BICDL1: variants seen among roughly 807,000 people sequenced by gnomAD.
BICDL1 encodes BICD family like cargo adaptor 1, also known as BICD family-like cargo adapter 1.
In BICDL1, 20 loss-of-function variants were observed where a neutral mutation model predicts 76.8. The ratio of observed to expected loss-of-function variants is 0.26; its 90% CI spans 0.18 to 0.38. BICDL1 has a LOEUF of 0.38. BICDL1 is among the 10% of genes least tolerant of loss of function. The probability of loss-of-function intolerance (pLI) is 1.00; values close to 1 mark genes in which losing one functional copy is unlikely to be tolerated. For missense variants in BICDL1, 700 were observed against 798.6 expected, an observed-to-expected ratio of 0.88 and a Z score of 1.49; for synonymous variants, 383 against 337.1, an observed-to-expected ratio of 1.14 and a Z score of -1.49.
intron 6 of BICDL1, among the ~76,000 whole-genome samples, chr12:120,073,199 C>T (rs930452375): frequency 1.3e-5 from 2 of 152,218 alleles, no homozygotes; most frequent in Admixed American, 6.5e-5. Context: ...AGAACACCAA[C>T]TACTGCTGTG....
chr12:120,020,072 CTAGT>C (rs1380510139), intron 2 of BICDL1, among the ~76,000 whole-genome samples: 4 of 152,128 alleles, frequency 2.6e-5, no homozygotes, highest in Non-Finnish European at 5.9e-5. Flanking sequence ...CAATGAAATA[CTAGT>C]TAGTAGTAAT....
At position 120,015,078 on chromosome 12, in the gene BICDL1, A is replaced by G. The variant is rs531243217; in HGVS notation, c.645+16342A>G. ...CCCTCAAGAGAGGACACATAATTCA[A>G]GATGGATCTTCCCTCCCTTGCCCCA... On this transcript the variant is annotated intron_variant, in intron 2 of 9. Coordinates refer to ENST00000548673, the MANE Select transcript of BICDL1 (RefSeq NM_001367886.1). Among the ~76,000 whole-genome samples the G allele has an allele frequency of 3.9e-5, 6 of 152,302 alleles. No homozygotes were observed. The South Asian group carries it at 1.2e-3, about 32-fold the overall frequency.
chr12:120,091,593 G>T, intron 9 of BICDL1: 1 of 984,948 alleles, frequency 1.0e-6, no homozygotes, highest in Non-Finnish European at 1.2e-6. Flanking sequence ...GAAGAGAAGG[G>T]AAGAAGACAA....
intron 2 of BICDL1, among the ~76,000 whole-genome samples, chr12:120,026,346 G>A (rs1371129733): frequency 2.0e-5 from 3 of 152,124 alleles, no homozygotes; most frequent in African/African-American, 7.2e-5. Flanking sequence ...AACAGTTGTA[G>A]GTGAGGGACA....
intron 7 of BICDL1, among the ~76,000 whole-genome samples, chr12:120,077,857 C>T (rs1032710487): frequency 1.3e-5 from 2 of 150,952 alleles, no homozygotes. Flanking sequence ...AAGTGGGACG[C>T]CCCTTACAAG....
intron 8 of BICDL1, among the ~76,000 whole-genome samples, chr12:120,089,271 CGTGT>C (rs138992612): frequency 1.5e-3 from 218 of 146,804 alleles, no homozygotes; most frequent in African/African-American, 4.7e-3. Flanking sequence ...CCTTTTTCAA[CGTGT>C]GTGTGTGTGT....
chr12:120,039,139 A>T (rs1952582941), intron 2 of BICDL1, among the ~76,000 whole-genome samples: 1 of 151,758 alleles, frequency 6.6e-6, no homozygotes, highest in Non-Finnish European at 1.5e-5. Context: ...TCTACTAAAA[A>T]TACAAAAATT....
At chr12:120,010,088 G>T (rs16949854) in intron 2 of BICDL1, among the ~76,000 whole-genome samples, 8,500 of 152,230 alleles carry the variant, frequency 0.056, 476 homozygotes, top group African/African-American at 0.14. Context: ...TAGAACACAC[G>T]CAAGACCACC....
chr12:119,998,196 A>C (rs922164028), intron 1 of BICDL1, among the ~76,000 whole-genome samples: 14 of 152,190 alleles, frequency 9.2e-5, no homozygotes, highest in African/African-American at 3.4e-4. Context: ...TAGTTGTTTA[A>C]ATGTATAGTT....
At chr12:120,081,124 A>C in intron 8 of BICDL1, 107 bp downstream of exon 8, 1 of 1,223,908 alleles carries the variant, frequency 8.2e-7, no homozygotes, top group Non-Finnish European at 1.1e-6. Context: ...ACAAAGGTAA[A>C]AGTTAGTTTC....
intron 1 of BICDL1, among the ~76,000 whole-genome samples, chr12:119,997,862 T>A (rs2138605560): frequency 6.6e-6 from 1 of 152,072 alleles, no homozygotes; most frequent in African/African-American, 2.4e-5. Flanking sequence ...ACACCTGTAA[T>A]CCCAGCACTT....
intron 2 of BICDL1, among the ~76,000 whole-genome samples, chr12:120,029,554 C>T (rs1324617320): frequency 6.6e-6 from 1 of 152,162 alleles, no homozygotes; most frequent in Admixed American, 6.5e-5. Flanking sequence ...AAATTGATCT[C>T]TTAAAGATTT....
At chr12:120,092,150 T>C in intron 9 of BICDL1, 1 of 985,418 alleles carries the variant, frequency 1.0e-6, no homozygotes, top group Non-Finnish European at 1.2e-6. Context: ...TTTTGTCAAA[T>C]GGAGTCTTAC....
At chr12:120,008,852 A>T (rs1231941778) in intron 2 of BICDL1, among the ~76,000 whole-genome samples, 1 of 152,194 alleles carries the variant, frequency 6.6e-6, no homozygotes, top group African/African-American at 2.4e-5. Flanking sequence ...TCTTCTGTGA[A>T]GACAGATTTT....
intron 2 of BICDL1, among the ~76,000 whole-genome samples, chr12:120,033,800 TGATA>T (rs757357431): frequency 6.6e-6 from 1 of 152,154 alleles, no homozygotes; most frequent in Non-Finnish European, 1.5e-5. Context: ...TATATAAGCT[TGATA>T]GATTTAGGTC....
At chr12:120,031,061 G>A (rs1952412686) in intron 2 of BICDL1, among the ~76,000 whole-genome samples, 1 of 152,048 alleles carries the variant, frequency 6.6e-6, no homozygotes, top group Admixed American at 6.6e-5. Context: ...CTACAGGCAA[G>A]GCACCAAGGT....
At chr12:120,090,783 A>G in intron 9 of BICDL1, 1 of 839,300 alleles carries the variant, frequency 1.2e-6, no homozygotes, top group Middle Eastern at 4.5e-4. Flanking sequence ...CCAGGGCCCC[A>G]TGGGGCTGGC....
chr12:120,077,771 T>A (rs1321551846), intron 7 of BICDL1, among the ~76,000 whole-genome samples: 1 of 152,158 alleles, frequency 6.6e-6, no homozygotes, highest in Non-Finnish European at 1.5e-5. Flanking sequence ...TGGTCACCAC[T>A]TCCCAATTTA....
At chr12:120,061,882 C>CA in intron 3 of BICDL1, 56 bp downstream of exon 3, 1 of 1,211,332 alleles carries the variant, frequency 8.3e-7, no homozygotes, top group Middle Eastern at 2.1e-4. Context: ...CACTGGGAGA[C>CA]AAAAAACTGC....
Sources: gnomAD v4.1 joint callset for allele counts (sites outside exome capture counted in the v4.1 genomes callset) on GRCh38, gnomAD v4.1.1 for gene constraint, MANE v1.5 for transcripts, NCBI Gene and HGNC (gene_info 2026-07-23, HGNC 2026-07-21) for gene names.